ACBD7: variants seen among roughly 807,000 people sequenced by gnomAD.
The protein encoded by ACBD7 is acyl-CoA-binding domain-containing protein 7.
Under a neutral mutation model 13.7 loss-of-function variants are expected in ACBD7, and 11 were observed. That is an observed-to-expected ratio of 0.80 (90% CI 0.50 to 1.33). ACBD7 has a LOEUF of 1.33. ACBD7 is among the 40% of genes most tolerant of loss of function. The pLI is 0.00. For synonymous variants in ACBD7, 43 were observed against 37.7 expected (o/e 1.14, Z -0.51); for missense variants, 111 against 103.0 (o/e 1.08, Z -0.33).
intron 1 of ACBD7, among the ~76,000 whole-genome samples, chr10:15,082,063 G>A (rs573732329): frequency 6.6e-6 from 1 of 152,242 alleles, no homozygotes; most frequent in Non-Finnish European, 1.5e-5. Flanking sequence ...CAAGGCAGGT[G>A]GATCACCTAA....
At chr10:15,084,888 AG>A (rs1202309793) in intron 1 of ACBD7, among the ~76,000 whole-genome samples, 1 of 152,218 alleles carries the variant, frequency 6.6e-6, no homozygotes, top group Admixed American at 6.5e-5. Context: ...GAGGTTGCAA[AG>A]GGAGTAGCCT....
intron 1 of ACBD7, among the ~76,000 whole-genome samples, chr10:15,084,298 T>TA (rs1844784183): frequency 6.6e-6 from 1 of 152,178 alleles, no homozygotes; most frequent in Non-Finnish European, 1.5e-5. Flanking sequence ...CTGAGTCTAT[T>TA]AAGTACATCC....
In ACBD7 at chr10:15,088,760, T is replaced by C. The variant is rs367716949; in HGVS notation, c.-32A>G. On this transcript the variant is annotated 5_prime_UTR_variant, in exon 1 of 4. Transcript: ENST00000356189. ...GGCTGCCGCGTTGTTGCTGCTGCTG[T>C]TGTCGTCCGGTGCTCTGCCCCCTCT... is the stretch of plus-strand genomic sequence containing the variant. 100 of 1,599,206 alleles carry C rather than the reference T, an allele frequency of 6.3e-5. No homozygotes were observed. The highest frequency in any genetic ancestry group is 8.0e-5 in the Non-Finnish European group (94 of 1,175,604).
At chr10:15,080,966 C>G (rs1844742938) in intron 1 of ACBD7, among the ~76,000 whole-genome samples, 1 of 152,168 alleles carries the variant, frequency 6.6e-6, no homozygotes, top group Non-Finnish European at 1.5e-5. Flanking sequence ...TACTTCTTCT[C>G]TGATGCCAGA....
Position 15,076,464 on chromosome 10 carries a change from CT to C in ACBD7, c.*2065del. ...AGAAAAATAGATATTCCTATGGGGG[CT>C]TTTTAAATTTCTTTAAACTGCTATG... is the stretch of plus-strand genomic sequence containing the variant. On this transcript the variant is annotated 3_prime_UTR_variant, in exon 4 of 4. Coordinates refer to ENST00000356189, the MANE Select transcript of ACBD7 (RefSeq NM_001039844.3). 2.1e-6 allele frequency: 2 copies of C among 961,914 alleles called. No individual in the cohort carries two copies. Among genetic ancestry groups the C allele is most frequent in the Non-Finnish European group, 2.5e-6 (2 of 810,116 alleles). 59.6% of individuals were successfully genotyped at this position (961,914 alleles called of 1,614,324 possible). A position where few individuals can be genotyped will look rare whatever the true frequency, so the allele number is the denominator to read the frequency against.
At chr10:15,078,863 A>C in intron 2 of ACBD7, 60 bp downstream of exon 2, 1 of 1,217,006 alleles carries the variant, frequency 8.2e-7, no homozygotes, top group Non-Finnish European at 1.1e-6. Context: ...ATATATTATA[A>C]TCGCAATTAA....
intron 1 of ACBD7, among the ~76,000 whole-genome samples, chr10:15,080,165 T>A (rs1195432467): frequency 6.6e-6 from 1 of 152,172 alleles, no homozygotes; most frequent in African/African-American, 2.4e-5. Context: ...AATTATAAGA[T>A]TTATTGCAAC....
At chr10:15,080,153 T>C (rs1028413746) in intron 1 of ACBD7, among the ~76,000 whole-genome samples, 2 of 152,192 alleles carry the variant, frequency 1.3e-5, no homozygotes, top group Admixed American at 6.5e-5. Context: ...ACACTAGACC[T>C]AAATTATAAG....
chr10:15,076,598 G>T lies in ACBD7; in HGVS notation c.*1932C>A. On this transcript the variant is annotated 3_prime_UTR_variant, in exon 4 of 4. Coordinates refer to ENST00000356189, the MANE Select transcript of ACBD7 (RefSeq NM_001039844.3). ...GCTCACTGCAACCTCCATCTCCTGG[G>T]TAAAAGCAATTCTCCTGCCTCAGCC... is the stretch of plus-strand genomic sequence containing the variant. 1 of 675,666 alleles carries T rather than the reference G, an allele frequency of 1.5e-6. No individual in the cohort carries two copies. Among genetic ancestry groups the T allele is most frequent in the Non-Finnish European group, 1.8e-6 (1 of 547,870 alleles). 41.9% of individuals were successfully genotyped at this position (675,666 alleles called of 1,614,324 possible).
chr10:15,075,991 A>AAG lies in ACBD7; in HGVS notation c.*2538_*2539insCT. On this transcript the variant is annotated 3_prime_UTR_variant, in exon 4 of 4. Transcript: ENST00000356189. ...CCTGTCTCAACAAAAAAAAAAAAAA[A>AAG]AAAAAAGAAAAGAAAAAGAATGTTA... 1 of 631,770 alleles carries AAG rather than the reference A, an allele frequency of 1.6e-6. No individual in the cohort carries two copies. Among genetic ancestry groups the AAG allele is most frequent in the Non-Finnish European group, 1.9e-6 (1 of 513,256 alleles). The allele number at this position is 631,770 out of a possible 1,614,324, so 39.1% of individuals were successfully genotyped here.
At chr10:15,087,980 G>A (rs994113592) in intron 1 of ACBD7, among the ~76,000 whole-genome samples, 1 of 152,016 alleles carries the variant, frequency 6.6e-6, no homozygotes, top group African/African-American at 2.4e-5. Context: ...GCCTCAACCT[G>A]GGCAACAGAA....
At chr10:15,087,643 C>T (rs762356098) in intron 1 of ACBD7, among the ~76,000 whole-genome samples, 8 of 152,082 alleles carry the variant, frequency 5.3e-5, no homozygotes, top group East Asian at 3.9e-4. Context: ...CCAGGAGTGG[C>T]GGCGCACGCC....
At position 15,076,251 on chromosome 10, in the gene ACBD7, G is replaced by A. The variant is rs1844680315; in HGVS notation, c.*2279C>T. On this transcript the variant is annotated 3_prime_UTR_variant, in exon 4 of 4. Transcript: ENST00000356189. ...AAACAATTTTTTGAATTGTTAACAT[G>A]AGACTGTCTTCTTTCAAAGAGCCTG... The A allele has an allele frequency of 1.0e-6, 1 of 985,310 alleles. No individual in the cohort carries two copies. Among genetic ancestry groups the A allele is most frequent in the South Asian group, 4.7e-5 (1 of 21,274 alleles). The allele number at this position is 985,310 out of a possible 1,614,324, so 61.0% of individuals were successfully genotyped here.
chr10:15,088,368 A>G (rs1844833018), intron 1 of ACBD7: 1 of 434,576 alleles, frequency 2.3e-6, no homozygotes, highest in South Asian at 3.4e-5. Flanking sequence ...TGACACTAAG[A>G]GAGGTCCTGG....
At chr10:15,088,332 G>A in intron 1 of ACBD7, 2 of 271,504 alleles carry the variant, frequency 7.4e-6, no homozygotes, top group Non-Finnish European at 6.9e-6. Flanking sequence ...TTAAATTGGA[G>A]CCTCACAGAT....
chr10:15,087,017 A>G (rs1237744950), intron 1 of ACBD7, among the ~76,000 whole-genome samples: 1 of 150,404 alleles, frequency 6.6e-6, no homozygotes, highest in Non-Finnish European at 1.5e-5. Context: ...CCATCTCAAA[A>G]AAAAAAAAAA....
At chr10:15,081,264 T>C (rs1284181765) in intron 1 of ACBD7, among the ~76,000 whole-genome samples, 1 of 152,128 alleles carries the variant, frequency 6.6e-6, no homozygotes, top group Non-Finnish European at 1.5e-5. Flanking sequence ...GCCCAGGCCC[T>C]TCCTGGGGCT....
intron 1 of ACBD7, among the ~76,000 whole-genome samples, chr10:15,082,253 TC>T (rs1844758590): frequency 8.2e-6 from 1 of 122,166 alleles, no homozygotes; most frequent in Non-Finnish European, 1.6e-5. Context: ...GCCACTACAC[TC>T]CAGCCTGGGC....
At chr10:15,080,183 T>C (rs1008438181) in intron 1 of ACBD7, among the ~76,000 whole-genome samples, 1 of 152,216 alleles carries the variant, frequency 6.6e-6, no homozygotes, top group African/African-American at 2.4e-5. Flanking sequence ...AACTGATTTC[T>C]AGAAAAGAGG....
Sources: gnomAD v4.1 joint callset for allele counts (sites outside exome capture counted in the v4.1 genomes callset) on GRCh38, gnomAD v4.1.1 for gene constraint, MANE v1.5 for transcripts, NCBI Gene and HGNC (gene_info 2026-07-23, HGNC 2026-07-21) for gene names.